The following KDM2B variants were observed in gnomAD, a reference collection of about 807,000 sequenced individuals.
KDM2B encodes lysine-specific demethylase 2B.
In KDM2B, 26 loss-of-function variants were observed where a neutral mutation model predicts 150.0. The observed-to-expected ratio is 0.17, with a 90% CI of 0.13 to 0.24. KDM2B has a LOEUF of 0.24. KDM2B is among the 10% of genes least tolerant of loss of function. The probability of loss-of-function intolerance (pLI) is 1.00; values close to 1 mark genes in which losing one functional copy is unlikely to be tolerated. For missense variants in KDM2B, 1,265 were observed against 1,816.9 expected, an observed-to-expected ratio of 0.70 and a Z score of 5.52; for synonymous variants, 734 against 729.5, an observed-to-expected ratio of 1.01 and a Z score of -0.10.
chr12:121,569,085 C>T (rs1025069200), intron 4 of KDM2B, among the ~76,000 whole-genome samples: 3 of 152,228 alleles, frequency 2.0e-5, no homozygotes, highest in African/African-American at 7.2e-5. Context: ...GCTGCGACCC[C>T]GCAATGACTG....
intron 4 of KDM2B, among the ~76,000 whole-genome samples, chr12:121,571,990 C>G (rs997515932): frequency 6.6e-6 from 1 of 152,048 alleles, no homozygotes; most frequent in Non-Finnish European, 1.5e-5. Flanking sequence ...GTGCATGGTT[C>G]AAGACCAGCC....
the KDM2B span, chr12:121,420,384 A>C: frequency 2.6e-6 from 4 of 1,554,372 alleles, no homozygotes; most frequent in Non-Finnish European, 3.5e-6. Context: ...GCCTGACAGG[A>C]AGGGACAGTG....
At chr12:121,515,911 C>G (rs1446679607) in intron 9 of KDM2B, among the ~76,000 whole-genome samples, 1 of 152,146 alleles carries the variant, frequency 6.6e-6, no homozygotes, top group African/African-American at 2.4e-5. Context: ...TTGGCTCCAG[C>G]TCCTTTCCTG....
At chr12:121,502,503 C>A (rs1262736712) in intron 11 of KDM2B, among the ~76,000 whole-genome samples, 1 of 151,956 alleles carries the variant, frequency 6.6e-6, no homozygotes, top group Non-Finnish European at 1.5e-5. Context: ...TGCCTGTAAT[C>A]CCAGCTACTT....
rs35681515 is a variant in KDM2B at position 121,477,579 on chromosome 12, C to CTTT, written c.1734+16997_1734+16999dup. Among the ~76,000 whole-genome samples the CTTT allele has an allele frequency of 6.5e-4, 87 of 134,776 alleles. 1 individual carries two copies. The highest frequency in any genetic ancestry group is 2.3e-3 in the African/African-American group (82 of 35,658). 88.4% of individuals were successfully genotyped at this position (134,776 alleles called of 152,430 possible). A position where few individuals can be genotyped will look rare whatever the true frequency, so the allele number is the denominator to read the frequency against. ...TTTTCTTCTTTTCTTTTTGTCTTTCCTTTTTTTTTTTTTTGGAGATGGAGT... is the reference window on the plus strand; with the variant it reads ...TTTTCTTCTTTTCTTTTTGTCTTTCCTTTTTTTTTTTTTTTTTGGAGATGGAGT... On this transcript the variant is annotated intron_variant, in intron 12 of 22. Transcript: ENST00000377071.
chr12:121,502,034 C>G (rs1264606652), intron 11 of KDM2B, among the ~76,000 whole-genome samples: 1 of 152,092 alleles, frequency 6.6e-6, no homozygotes, highest in Non-Finnish European at 1.5e-5. Flanking sequence ...AGGTGTGTTC[C>G]AGGGTCGGGA....
chr12:121,439,891 G>T lies in KDM2B; in HGVS notation c.3795C>A (p.Thr1265=), dbSNP rs371377304. Residue 1265 remains threonine, a synonymous_variant, in exon 22 of 23, where the codon ACC becomes ACA. Coordinates refer to ENST00000377071, the MANE Select transcript of KDM2B (RefSeq NM_032590.5). ...SINLLTAVGT[T]TRDSLTEINL... ...TGATCTCGGTTAAGGAGTCTCGGGT[G>T]GTGGTGCCAACAGCAGTGAGCAGGT... 6.8e-6 allele frequency: 11 copies of T among 1,614,220 alleles called. No individual in the cohort carries two copies. Among genetic ancestry groups the T allele is most frequent in the Non-Finnish European group, 9.3e-6 (11 of 1,180,012 alleles).
the KDM2B span, among the ~76,000 whole-genome samples, chr12:121,410,393 C>T: frequency 4.6e-5 from 7 of 151,772 alleles, no homozygotes; most frequent in African/African-American, 1.2e-4. Flanking sequence ...AAAAATTAGC[C>T]GGGTGTGGTG....
chr12:121,445,794 G>A (rs1443422762), intron 13 of KDM2B, among the ~76,000 whole-genome samples: 3 of 152,138 alleles, frequency 2.0e-5, no homozygotes, highest in Non-Finnish European at 4.4e-5. Context: ...GGAGGTCAGG[G>A]AAGGCCTCAC....
the KDM2B span, among the ~76,000 whole-genome samples, chr12:121,414,985 G>T: frequency 6.6e-6 from 1 of 152,184 alleles, no homozygotes. Flanking sequence ...AATCCCAGCT[G>T]CTGGGGAGGC....
In KDM2B at chr12:121,445,270, C is replaced by T; in HGVS notation, c.2103+5G>A. ...AGCACCACCTGTCCCCACTGGGCCACTCACCTTAAGGCATCCAGGGTGGAT... is the reference window on the plus strand; with the variant it reads ...AGCACCACCTGTCCCCACTGGGCCATTCACCTTAAGGCATCCAGGGTGGAT... On this transcript the variant is annotated splice_donor_5th_base_variant and intron_variant, in intron 14 of 22. Transcript: ENST00000377071. The T allele has an allele frequency of 3.1e-6, 5 of 1,613,356 alleles. No individual in the cohort carries two copies. The highest frequency in any genetic ancestry group is 1.1e-5 in the South Asian group (1 of 90,988).
rs1160682894 is a variant in KDM2B, at chr12:121,442,884, GCCCGCCCAAGGCCT to G, written c.2605-62_2605-49del. The G allele has an allele frequency of 6.5e-7, 1 of 1,539,934 alleles. No individual in the cohort carries two copies. The highest frequency in any genetic ancestry group is 8.7e-7 in the Non-Finnish European group (1 of 1,147,108). ...GTCAGCCTCTGGGGCTCAGGGCTGC[GCCCGCCCAAGGCCT>G]CCCGCCCCCCTGCCACGGGACTGTG... On this transcript the variant is annotated intron_variant, in intron 18 of 22. Coordinates refer to ENST00000377071, the MANE Select transcript of KDM2B (RefSeq NM_032590.5). The surrounding 1 kb of genome is among the most constrained non-coding windows in gnomAD (Gnocchi z 7.7).
intron 15 of KDM2B, 49 bp from the exon 16 acceptor site, chr12:121,444,321 A>G: frequency 6.2e-7 from 1 of 1,609,152 alleles, no homozygotes. Flanking sequence ...ATACCTTTGG[A>G]CTTGCCCTTC....
At chr12:121,419,048 T>C in the KDM2B span, among the ~76,000 whole-genome samples, 1 of 152,160 alleles carries the variant, frequency 6.6e-6, no homozygotes, top group African/African-American at 2.4e-5. Context: ...AGAGGGAAAT[T>C]TGGTCTAATT....
chr12:121,449,408 G>GACCCCA (rs1400051723), intron 13 of KDM2B, among the ~76,000 whole-genome samples: 1 of 152,012 alleles, frequency 6.6e-6, no homozygotes, highest in African/African-American at 2.4e-5. Context: ...GAGTAAGAAG[G>GACCCCA]ACCCCAAGGG....
At chr12:121,439,196 C>G (rs1555287510) in intron 22 of KDM2B, among the ~76,000 whole-genome samples, 2 of 152,146 alleles carry the variant, frequency 1.3e-5, no homozygotes, top group Admixed American at 1.3e-4. Context: ...CTCCTGCCCA[C>G]CAGGGCCCTT....
Position 121,520,922 on chromosome 12 carries a change from A to G in KDM2B, c.1047+63T>C. The stretch of plus-strand genomic sequence containing the variant: ...GACTTCAGTATGACCTGTCCCACAC[A>G]CCGAGCACCGGCAGAGCTCAGGGGC... On this transcript the variant is annotated intron_variant, in intron 9 of 22. Transcript: ENST00000377071. The surrounding 1 kb of genome is among the most constrained non-coding windows in gnomAD (Gnocchi z 4.5). 8.0e-7 allele frequency: 1 copy of G among 1,257,130 alleles called. No individual in the cohort carries two copies. Among genetic ancestry groups the G allele is most frequent in the Non-Finnish European group, 1.2e-6 (1 of 863,660 alleles). 77.9% of individuals were successfully genotyped at this position (1,257,130 alleles called of 1,614,324 possible). A position where few individuals can be genotyped will look rare whatever the true frequency, so the allele number is the denominator to read the frequency against.
At chr12:121,491,900 C>T (rs782757680) in intron 12 of KDM2B, among the ~76,000 whole-genome samples, 6 of 152,064 alleles carry the variant, frequency 3.9e-5, no homozygotes, top group Non-Finnish European at 5.9e-5. Context: ...CTGTGGCTCA[C>T]GCCTGTAATC....
intron 7 of KDM2B, among the ~76,000 whole-genome samples, chr12:121,534,199 A>G (rs542271053): frequency 1.4e-3 from 219 of 152,164 alleles, no homozygotes; most frequent in African/African-American, 4.9e-3. Context: ...AATACAAAAA[A>G]TTAGCAGGGC....
Sources: allele counts gnomAD v4.1 joint callset (sites outside exome capture counted in the v4.1 genomes callset), GRCh38; gene constraint gnomAD v4.1.1; non-coding constraint Gnocchi (gnomAD v3.1); transcripts MANE v1.5; gene names NCBI Gene and HGNC (gene_info 2026-07-23, HGNC 2026-07-21).